The following SPTBN1 variants were observed in gnomAD, a reference collection of about 807,000 sequenced individuals.
SPTBN1 encodes the protein spectrin beta, non-erythrocytic 1.
In SPTBN1, 32 loss-of-function variants were observed where a neutral mutation model predicts 266.4. The ratio of observed to expected loss-of-function variants is 0.12; its 90% CI spans 0.09 to 0.16. The LOEUF (loss-of-function observed/expected upper bound fraction) is 0.16, where lower values mean the gene tolerates loss of function less well. Ranked by LOEUF, SPTBN1 falls within the 10% of genes least tolerant of loss-of-function variation. SPTBN1 has a pLI of 1.00. For missense variants in SPTBN1, 2,296 were observed against 3,067.1 expected (o/e 0.75, Z 5.94); for synonymous variants, 1,336 against 1,162.2 (o/e 1.15, Z -3.04).
At chr2:54,537,518 A>T (rs1179477113) in intron 2 of SPTBN1, among the ~76,000 whole-genome samples, 1 of 152,208 alleles carries the variant, frequency 6.6e-6, no homozygotes, top group Non-Finnish European at 1.5e-5. Flanking sequence ...TGGCAGTTGG[A>T]GGATACTGTT....
In SPTBN1 at chr2:54,631,302, C is replaced by T. The variant is rs1804472; in HGVS notation, c.3255C>T (p.Ile1085=). The change falls in exon 16 of 36, where the codon ATC becomes ATT. Residue 1085 remains isoleucine (I), a synonymous_variant. Transcript: ENST00000356805. The stretch of plus-strand genomic sequence containing the variant: ...GGCTCTCTAGGACCCAGACAGCGAT[C>T]GCCTCGGAGGACATGCCAAACACCC... ...QSWLSRTQTA[I]ASEDMPNTLT... 0.043 allele frequency: 68,882 copies of T among 1,614,196 alleles called. 1,841 individuals carry two copies. The highest frequency in any genetic ancestry group is 0.11 in the Admixed American group (6,831 of 60,026).
At chr2:54,606,497 C>G (rs1469496879) in intron 3 of SPTBN1, among the ~76,000 whole-genome samples, 1 of 152,180 alleles carries the variant, frequency 6.6e-6, no homozygotes. Context: ...GGCCCCTGAA[C>G]AGCAAAAATG....
chr2:54,484,092 T>G lies in SPTBN1; in HGVS notation c.-48+27574T>G, dbSNP rs7578287. ...TGCCTGTGCCTTGGGAGGCTGAGGT[T>G]GGAGGATTACTTGAGCTCAGGAGGC... is the stretch of plus-strand genomic sequence containing the variant. On this transcript the variant is annotated intron_variant, in intron 1 of 35. Coordinates refer to ENST00000356805, the MANE Select transcript of SPTBN1 (RefSeq NM_003128.3). Among the ~76,000 whole-genome samples, 3 of 152,080 alleles carry G rather than the reference T, an allele frequency of 2.0e-5. No individual in the cohort carries two copies. The South Asian group carries it at 6.2e-4, about 32-fold the overall frequency.
At chr2:54,661,176 T>C (rs1681017470) in intron 32 of SPTBN1, 2 of 985,426 alleles carry the variant, frequency 2.0e-6, no homozygotes, top group South Asian at 9.4e-5. Flanking sequence ...AGGAAGCTTT[T>C]AGGATGGTAT....
chr2:54,484,716 A>T (rs1668264724), intron 1 of SPTBN1, among the ~76,000 whole-genome samples: 1 of 151,766 alleles, frequency 6.6e-6, no homozygotes. Flanking sequence ...AACTCCTGGG[A>T]GTAGTTCGTT....
At chr2:54,637,002 C>T (rs938733297) in intron 17 of SPTBN1, among the ~76,000 whole-genome samples, 7 of 152,186 alleles carry the variant, frequency 4.6e-5, no homozygotes, top group Non-Finnish European at 7.3e-5. Flanking sequence ...AGGAAGTTTG[C>T]CAAAGAGTGC....
At chr2:54,627,361 T>G (rs769066062) in intron 12 of SPTBN1, among the ~76,000 whole-genome samples, 4 of 152,214 alleles carry the variant, frequency 2.6e-5, no homozygotes, top group Non-Finnish European at 4.4e-5. Flanking sequence ...AGTAGAAATC[T>G]CATCTGGCGA....
At chr2:54,657,491 ATGTG>A (rs1351950511) in intron 29 of SPTBN1, among the ~76,000 whole-genome samples, 1 of 152,254 alleles carries the variant, frequency 6.6e-6, no homozygotes, top group Non-Finnish European at 1.5e-5. Flanking sequence ...TGGGCAGTGA[ATGTG>A]TGCCGTAAAA....
chr2:54,590,537 T>TAAAAG (rs1675605433), intron 2 of SPTBN1, among the ~76,000 whole-genome samples: 1 of 152,190 alleles, frequency 6.6e-6, no homozygotes, highest in Non-Finnish European at 1.5e-5. Context: ...ACACAAGACG[T>TAAAAG]ATAATAAAAG....
At chr2:54,621,611 A>G in intron 8 of SPTBN1, 99 bp downstream of exon 8, 1 of 871,524 alleles carries the variant, frequency 1.1e-6, no homozygotes, top group Non-Finnish European at 1.9e-6. Context: ...AGCAATTTGT[A>G]GTGGACTCTC....
chr2:54,516,592 C>T (rs777866663), intron 1 of SPTBN1, among the ~76,000 whole-genome samples: 6 of 151,878 alleles, frequency 4.0e-5, no homozygotes, highest in Non-Finnish European at 8.8e-5. Context: ...GGTAGTAATC[C>T]CAATAAATGC....
chr2:54,477,681 A>T (rs1488200949), intron 1 of SPTBN1, among the ~76,000 whole-genome samples: 1 of 152,100 alleles, frequency 6.6e-6, no homozygotes, highest in Non-Finnish European at 1.5e-5. Context: ...TGGGAGGCTG[A>T]GGTGGGCGGA....
chr2:54,503,753 T>TA (rs1413329476), intron 1 of SPTBN1, among the ~76,000 whole-genome samples: 10 of 152,304 alleles, frequency 6.6e-5, no homozygotes, highest in Admixed American at 3.3e-4. Context: ...GCTGAATACA[T>TA]AACTATTCAT....
intron 1 of SPTBN1, among the ~76,000 whole-genome samples, chr2:54,494,939 A>G (rs1668885631): frequency 6.6e-6 from 1 of 152,108 alleles, no homozygotes; most frequent in Admixed American, 6.6e-5. Context: ...AATGTCCTGA[A>G]AAAAGTTCTG....
At chr2:54,475,948 A>C (rs953232229) in intron 1 of SPTBN1, among the ~76,000 whole-genome samples, 2 of 152,156 alleles carry the variant, frequency 1.3e-5, no homozygotes, top group Non-Finnish European at 2.9e-5. Flanking sequence ...CTTTAGACCA[A>C]AGTGGCCTTA....
chr2:54,602,530 T>A (rs80197500), intron 3 of SPTBN1, among the ~76,000 whole-genome samples: 4,040 of 152,308 alleles, frequency 0.027, 180 homozygotes, highest in African/African-American at 0.089. Flanking sequence ...GCCAGTTTTT[T>A]GCCTTGCTCC....
intron 2 of SPTBN1, among the ~76,000 whole-genome samples, chr2:54,564,276 AT>A (rs1333566836): frequency 2.0e-5 from 3 of 152,238 alleles, no homozygotes; most frequent in Non-Finnish European, 4.4e-5. Context: ...TGAGGAAAAG[AT>A]AGCACTTTTC....
At chr2:54,625,056 A>T in intron 11 of SPTBN1, 94 bp downstream of exon 11, 1 of 1,418,980 alleles carries the variant, frequency 7.0e-7, no homozygotes, top group South Asian at 1.5e-5. Flanking sequence ...ACAGCTGCTT[A>T]TCGACATTCA....
chr2:54,599,554 G>A (rs1676336440), intron 3 of SPTBN1, among the ~76,000 whole-genome samples: 1 of 152,212 alleles, frequency 6.6e-6, no homozygotes, highest in Non-Finnish European at 1.5e-5. Context: ...CCAGGCTTGG[G>A]CGCTGGCTTC....
Sources: allele counts gnomAD v4.1 joint callset (sites outside exome capture counted in the v4.1 genomes callset), GRCh38; gene constraint gnomAD v4.1.1; transcripts MANE v1.5; gene names NCBI Gene and HGNC (gene_info 2026-07-23, HGNC 2026-07-21).